The following DSG3 variants were observed in gnomAD, a reference collection of about 807,000 sequenced individuals.
DSG3 encodes desmoglein-3.
Under a neutral mutation model 85.9 loss-of-function variants are expected in DSG3, and 63 were observed. The ratio of observed to expected loss-of-function variants is 0.73; its 90% CI spans 0.60 to 0.90. The LOEUF (loss-of-function observed/expected upper bound fraction) is 0.90, where lower values mean the gene tolerates loss of function less well. DSG3 is among the 40% of genes least tolerant of loss of function. DSG3 has a pLI of 0.00. For missense variants in DSG3, 1,220 were observed against 1,219.9 expected, an observed-to-expected ratio of 1.00 and a Z score of 0.00; for synonymous variants, 447 against 441.9, an observed-to-expected ratio of 1.01 and a Z score of -0.14.
intron 7 of DSG3, 125 bp from the exon 8 acceptor site, chr18:31,461,102 A>T: frequency 2.4e-6 from 3 of 1,239,480 alleles, no homozygotes; most frequent in African/African-American, 1.5e-5. Context: ...AAAAAATATA[A>T]GAATTCAGTA....
chr18:31,460,698 C>T, intron 6 of DSG3, 135 bp from the exon 7 acceptor site: 1 of 778,998 alleles, frequency 1.3e-6, no homozygotes, highest in African/African-American at 1.8e-5. Flanking sequence ...GACCTCCACC[C>T]AACCATCCAG....
At chr18:31,467,861 T>C (rs1356336974) in intron 11 of DSG3, among the ~76,000 whole-genome samples, 1 of 152,218 alleles carries the variant, frequency 6.6e-6, no homozygotes, top group Non-Finnish European at 1.5e-5. Flanking sequence ...TCATCTTTCC[T>C]TGGGCCCTCA....
chr18:31,472,182 T>G, intron 12 of DSG3, 102 bp from the exon 13 acceptor site: 1 of 1,540,918 alleles, frequency 6.5e-7, no homozygotes, highest in Non-Finnish European at 8.8e-7. Context: ...CTACAAATAT[T>G]TAAGATACTG....
intron 1 of DSG3, among the ~76,000 whole-genome samples, chr18:31,453,561 G>C (rs1011114051): frequency 6.6e-6 from 1 of 152,028 alleles, no homozygotes; most frequent in African/African-American, 2.4e-5. Context: ...AGAGCATATG[G>C]ATATCAAATT....
chr18:31,478,701 A>T lies in DSG3; in HGVS notation c.*2441A>T, dbSNP rs1028688188. 6.6e-6 allele frequency: 1 copy of T among 152,212 alleles called. No individual in the cohort carries two copies. The highest frequency in any genetic ancestry group is 2.4e-5 in the African/African-American group (1 of 41,450). 9.4% of individuals were successfully genotyped at this position (152,212 alleles called of 1,614,324 possible). ...GCAATAAATTTATAAATAAAAGCTG[A>T]ACTACTCTCTATATTAATAGTTATT... On this transcript the variant is annotated 3_prime_UTR_variant, in exon 16 of 16. Coordinates refer to ENST00000257189, the MANE Select transcript of DSG3 (RefSeq NM_001944.3).
At chr18:31,464,700 A>G (rs2072806411) in intron 9 of DSG3, among the ~76,000 whole-genome samples, 1 of 152,156 alleles carries the variant, frequency 6.6e-6, no homozygotes, top group African/African-American at 2.4e-5. Context: ...GCACCATGAG[A>G]ACATGTTTTT....
Position 31,475,727 on chromosome 18 carries a change from G to A in DSG3, c.2467G>A (p.Ala823Thr), listed in dbSNP as rs1427529814. The change falls in exon 16 of 16, where the codon GCC becomes ACC. Residue 823 changes from alanine (A) to threonine (T), a missense_variant. Ala to Thr is a moderately conservative substitution (Grantham distance 58, BLOSUM62 0). Coordinates refer to ENST00000257189, the MANE Select transcript of DSG3 (RefSeq NM_001944.3). ...LLIYDNEGAD[A>T]TGSPVGSVGC... Reference sequence around the variant, plus strand: ...GATCTATGATAATGAAGGCGCAGATGCCACTGGTTCTCCTGTGGGCTCCGT... The same window carrying A: ...GATCTATGATAATGAAGGCGCAGATACCACTGGTTCTCCTGTGGGCTCCGT... 2 of 1,614,080 alleles carry A rather than the reference G, an allele frequency of 1.2e-6. No homozygotes were observed. The highest frequency in any genetic ancestry group is 1.3e-5 in the African/African-American group (1 of 74,914).
At chr18:31,454,880 C>A (rs958543974) in intron 1 of DSG3, among the ~76,000 whole-genome samples, 1 of 151,862 alleles carries the variant, frequency 6.6e-6, no homozygotes, top group Non-Finnish European at 1.5e-5. Context: ...TGCCTGTAAT[C>A]CCTGTTACTC....
chr18:31,448,978 T>C (rs2144256726), intron 1 of DSG3, among the ~76,000 whole-genome samples: 1 of 152,214 alleles, frequency 6.6e-6, no homozygotes, highest in South Asian at 2.1e-4. Context: ...GATCTCCAAC[T>C]TCTGCCTCTG....
chr18:31,455,367 C>T (rs985022314), intron 1 of DSG3, among the ~76,000 whole-genome samples: 7 of 151,094 alleles, frequency 4.6e-5, no homozygotes, highest in African/African-American at 1.5e-4. Flanking sequence ...AGTGGATTAG[C>T]AAATACTTGT....
intron 3 of DSG3, 50 bp from the exon 4 acceptor site, chr18:31,458,395 A>G: frequency 1.3e-6 from 2 of 1,576,638 alleles, no homozygotes; most frequent in South Asian, 2.3e-5. Flanking sequence ...GTGGAGAGGG[A>G]AAGGCTTGAG....
Position 31,468,840 on chromosome 18 carries a change from G to A in DSG3, c.1637-249G>A, listed in dbSNP as rs75417135. Among the ~76,000 whole-genome samples, 1,339 of 152,110 alleles carry A rather than the reference G, an allele frequency of 8.8e-3. 15 individuals carry two copies. The highest frequency in any genetic ancestry group is 0.03 in the African/African-American group (1,235 of 41,494). ...TACAGTAAGAGTGAGTTGTTATAAG[G>A]GTGAGTTCAGCCCCCACGTGCTCTC... On this transcript the variant is annotated intron_variant, in intron 11 of 15. Coordinates refer to ENST00000257189, the MANE Select transcript of DSG3 (RefSeq NM_001944.3).
At chr18:31,470,558 G>A (rs1330751930) in intron 12 of DSG3, among the ~76,000 whole-genome samples, 1 of 152,144 alleles carries the variant, frequency 6.6e-6, no homozygotes, top group Non-Finnish European at 1.5e-5. Context: ...AAATTTTTAA[G>A]TACCTCTATG....
At chr18:31,464,787 A>T (rs2072807237) in intron 9 of DSG3, among the ~76,000 whole-genome samples, 1 of 152,236 alleles carries the variant, frequency 6.6e-6, no homozygotes, top group African/African-American at 2.4e-5. Context: ...GCTATATTAT[A>T]CAGAGCAAGA....
chr18:31,470,061 A>T (rs1305999496), intron 12 of DSG3, among the ~76,000 whole-genome samples: 2 of 152,088 alleles, frequency 1.3e-5, no homozygotes, highest in African/African-American at 4.8e-5. Flanking sequence ...AATTTATTCA[A>T]TAGATAGGTT....
rs150367152 is a variant in DSG3, at chr18:31,467,996, C to A, written c.1637-1093C>A. 2.4e-3 allele frequency among the ~76,000 whole-genome samples: 358 copies of A among 152,306 alleles called. 3 individuals are homozygous for A. Among genetic ancestry groups the A allele is most frequent in the African/African-American group, 8.4e-3 (351 of 41,562 alleles). On this transcript the variant is annotated intron_variant, in intron 11 of 15. Coordinates refer to ENST00000257189, the MANE Select transcript of DSG3 (RefSeq NM_001944.3). ...GATCAGAGAGGGCCGGGATGTGTCA[C>A]AAGACATACCTGCCCAGGTGTGGCT...
chr18:31,464,146 T>C lies in DSG3; in HGVS notation c.1035T>C (p.Leu345=), dbSNP rs1176073399. ...ATGAACAACTACAAAGCGTGAAACT[T>C]AGTATTGCTGTCAAAAACAAAGCTG... The part of the protein sequence containing the change: ...LDYEQLQSVK[L]SIAVKNKAEF... Residue 345 remains leucine (L), a synonymous_variant, in exon 9 of 16, where the codon CTT becomes CTC. Transcript: ENST00000257189. The C allele has an allele frequency of 1.2e-6, 2 of 1,614,126 alleles. No homozygotes were observed. Among genetic ancestry groups the C allele is most frequent in the Admixed American group, 1.7e-5 (1 of 60,016 alleles).
rs199886124 is a variant in DSG3 at position 31,461,367 on chromosome 18, A to G, written c.954A>G (p.Ile318Met). Residue 318 changes from isoleucine to methionine, a missense_variant, in exon 8 of 16, where the codon ATA becomes ATG. Physicochemically the swap from Ile to Met is conservative, Grantham distance 10 (BLOSUM62 1). Transcript: ENST00000257189. ...GGAATGAAGGAAATTGGTTTGAAATACAAACTGATCCTAGAACTAATGAAG... is the reference window on the plus strand; with the variant it reads ...GGAATGAAGGAAATTGGTTTGAAATGCAAACTGATCCTAGAACTAATGAAG... ...TSGNEGNWFE[I>M]QTDPRTNEGI... The G allele has an allele frequency of 6.2e-7, 1 of 1,613,874 alleles. No individual in the cohort carries two copies. The highest frequency in any genetic ancestry group is 2.2e-5 in the East Asian group (1 of 44,790).
chr18:31,456,919 G>A lies in DSG3; in HGVS notation c.85-74G>A, dbSNP rs2072745670. 2.7e-6 allele frequency: 4 copies of A among 1,486,598 alleles called. No homozygotes were observed. In the African/African-American group the frequency reaches 5.6e-5, roughly 21 times the overall value. 92.1% of individuals were successfully genotyped at this position (1,486,598 alleles called of 1,614,324 possible). On this transcript the variant is annotated intron_variant, in intron 2 of 15. Coordinates refer to ENST00000257189, the MANE Select transcript of DSG3 (RefSeq NM_001944.3). ...TGAAACATAGGGGGTTCCTCAACTA[G>A]GTGTCTGTAATCAATATTCTAAGCA...
Sources: gnomAD v4.1 joint callset for allele counts (sites outside exome capture counted in the v4.1 genomes callset) on GRCh38, gnomAD v4.1.1 for gene constraint, MANE v1.5 for transcripts, NCBI Gene and HGNC (gene_info 2026-07-23, HGNC 2026-07-21) for gene names.